The following CLCN5 variants were observed in gnomAD, a reference collection of about 807,000 sequenced individuals.
CLCN5 encodes the protein Cl-/H+ antiporter 5.
A neutral mutation model predicts 54.0 loss-of-function variants in CLCN5; 17 were observed. The observed-to-expected ratio is 0.31, with a 90% CI of 0.22 to 0.47. The LOEUF (loss-of-function observed/expected upper bound fraction) is 0.47. CLCN5 is among the 20% of genes least tolerant of loss of function. CLCN5 has a pLI of 1.00. For missense variants in CLCN5, 448 were observed against 646.7 expected (o/e 0.69, Z 3.33); for synonymous variants, 222 against 233.0 (o/e 0.95, Z 0.43).
At chrX:50,042,266 A>G (rs370976956) in intron 3 of CLCN5, 50 bp from the exon 4 acceptor site, 8 of 675,851 alleles carry the variant, frequency 1.2e-5, no homozygotes, top group Admixed American at 3.6e-5. Context: ...GTTACGTGTA[A>G]GGGACTTGAA....
At chrX:50,048,093 G>A (rs1309182067) in intron 4 of CLCN5, among the ~76,000 whole-genome samples, 2 of 112,376 alleles carry the variant, frequency 1.8e-5, no homozygotes, top group African/African-American at 3.2e-5. Flanking sequence ...CAACGAAACC[G>A]GCGGTGGGGG....
chrX:50,076,964 C>T (rs1557192209), intron 7 of CLCN5, among the ~76,000 whole-genome samples: 1 of 112,176 alleles, frequency 8.9e-6, no homozygotes. Context: ...ACTCTCAACT[C>T]CCAATTCCAC....
At chrX:50,040,136 C>A (rs1305720196) in intron 3 of CLCN5, among the ~76,000 whole-genome samples, 14 of 112,218 alleles carry the variant, frequency 1.2e-4, no homozygotes, top group African/African-American at 4.5e-4. Flanking sequence ...TCCCTAGAAG[C>A]AGAAGCAGAG....
intron 3 of CLCN5, among the ~76,000 whole-genome samples, chrX:50,009,290 A>G (rs1218036617): frequency 8.9e-6 from 1 of 111,997 alleles, no homozygotes; most frequent in Admixed American, 9.5e-5. Flanking sequence ...TGTAATGGGG[A>G]AACACACATT....
At chrX:50,049,237 A>G (rs920049215) in intron 4 of CLCN5, among the ~76,000 whole-genome samples, 10 of 112,082 alleles carry the variant, frequency 8.9e-5, no homozygotes, top group Non-Finnish European at 1.3e-4. Flanking sequence ...GTACTTTTCT[A>G]TGTTTAGACA....
chrX:49,969,858 T>A (rs1557175994), intron 3 of CLCN5, among the ~76,000 whole-genome samples: 1 of 111,979 alleles, frequency 8.9e-6, no homozygotes, highest in African/African-American at 3.2e-5. Context: ...GGTGTTGAAA[T>A]CTGTCTGTGA....
intron 3 of CLCN5, among the ~76,000 whole-genome samples, chrX:49,926,264 G>A (rs1925336270): frequency 8.9e-6 from 1 of 112,240 alleles, no homozygotes; most frequent in African/African-American, 3.2e-5. Context: ...TTATGGAAAC[G>A]GGATTTGGCC....
intron 3 of CLCN5, among the ~76,000 whole-genome samples, chrX:49,981,344 T>G (rs1469384925): frequency 5.4e-5 from 6 of 111,929 alleles, no homozygotes; most frequent in African/African-American, 1.6e-4. Flanking sequence ...ATTTCTGATT[T>G]CATGGTTAAT....
At chrX:50,003,642 C>T (rs1557180972) in intron 3 of CLCN5, 2 of 308,889 alleles carry the variant, frequency 6.5e-6, no homozygotes, top group Non-Finnish European at 1.3e-5. Context: ...CACTCCTTCA[C>T]CAAAAGAAAA....
intron 3 of CLCN5, among the ~76,000 whole-genome samples, chrX:49,950,703 T>A (rs1557172884): frequency 9.1e-6 from 1 of 109,747 alleles, no homozygotes; most frequent in African/African-American, 3.5e-5. Context: ...ATTTTGCTTT[T>A]TTTAATTCTT....
chrX:50,001,482 ATACTT>A (rs1929806645), intron 3 of CLCN5, among the ~76,000 whole-genome samples: 1 of 109,413 alleles, frequency 9.1e-6, no homozygotes, highest in Non-Finnish European at 1.9e-5. Context: ...TTTTAAATGT[ATACTT>A]TAAGTTCTAG....
intron 3 of CLCN5, among the ~76,000 whole-genome samples, chrX:50,025,853 C>T (rs1408843978): frequency 9.0e-6 from 1 of 111,585 alleles, no homozygotes; most frequent in Non-Finnish European, 1.9e-5. Context: ...TTGACTTTCT[C>T]TGTTGATGTC....
intron 3 of CLCN5, among the ~76,000 whole-genome samples, chrX:49,954,350 A>G (rs1411158863): frequency 9.6e-6 from 1 of 104,200 alleles, no homozygotes; most frequent in African/African-American, 3.5e-5. Flanking sequence ...AGATTTTAAG[A>G]TTTTTTTTTT....
At chrX:49,969,720 T>G in intron 3 of CLCN5, among the ~76,000 whole-genome samples, 1 of 112,215 alleles carries the variant, frequency 8.9e-6, no homozygotes, top group Non-Finnish European at 1.9e-5. Flanking sequence ...TGTGTGCACT[T>G]GAAAGTAACG....
chrX:49,998,477 A>G (rs1305124433), intron 3 of CLCN5, among the ~76,000 whole-genome samples: 2 of 111,751 alleles, frequency 1.8e-5, no homozygotes, highest in Non-Finnish European at 3.8e-5. Flanking sequence ...GAGCAGATCC[A>G]CACAAAATGT....
chrX:50,070,941 A>G (rs1021117006), intron 5 of CLCN5, among the ~76,000 whole-genome samples: 5 of 111,238 alleles, frequency 4.5e-5, no homozygotes, highest in African/African-American at 1.3e-4. Context: ...AACCCCAGAG[A>G]TTCTCAGTAG....
intron 3 of CLCN5, among the ~76,000 whole-genome samples, chrX:49,940,823 G>A (rs1327768725): frequency 1.8e-5 from 2 of 110,871 alleles, no homozygotes; most frequent in Non-Finnish European, 3.8e-5. Context: ...TTGATTGATT[G>A]GGGGTGGCAG....
intron 3 of CLCN5, among the ~76,000 whole-genome samples, chrX:49,988,823 A>C (rs1286617563): frequency 9.0e-6 from 1 of 111,078 alleles, no homozygotes. Flanking sequence ...GATAATATGG[A>C]GTGTGGGGGC....
At chrX:50,047,580 A>G (rs1386639396) in intron 4 of CLCN5, among the ~76,000 whole-genome samples, 1 of 111,404 alleles carries the variant, frequency 9.0e-6, no homozygotes, top group Admixed American at 9.6e-5. Flanking sequence ...TTAATTAGCT[A>G]AAGTACATAA....
Sources: allele counts gnomAD v4.1 joint callset (sites outside exome capture counted in the v4.1 genomes callset), GRCh38; gene constraint gnomAD v4.1.1; transcripts MANE v1.5; gene names NCBI Gene and HGNC (gene_info 2026-07-23, HGNC 2026-07-21).